Variants in POFUT1 observed in about 807,000 individuals in gnomAD.
POFUT1 encodes GDP-fucose protein O-fucosyltransferase 1.
POFUT1 carries 16 observed loss-of-function variants against 42.4 expected under a neutral mutation model. The observed-to-expected ratio is 0.38, with a 90% CI of 0.26 to 0.57. POFUT1 has a LOEUF of 0.57. POFUT1 is among the 20% of genes least tolerant of loss of function. The pLI is 0.71. For missense variants in POFUT1, 470 were observed against 504.6 expected, an observed-to-expected ratio of 0.93 and a Z score of 0.66; for synonymous variants, 206 against 205.4, an observed-to-expected ratio of 1.00 and a Z score of -0.03.
chr20:32,234,480 TG>T lies in POFUT1; in HGVS notation c.988del (p.Val330Ter). ...CTGTGCTTCTTCCTGCAGGTGAAGG[TG>T]GTGAGCCTGAAGCCTGAGGTGGCCC... ...LQQLFKGKVK[V>X]VSLKPEVAQV... is the part of the protein sequence containing the mutation. On this transcript the variant is annotated frameshift_variant, in exon 7 of 7. Transcript: ENST00000375749. LOFTEE classifies it high-confidence loss of function. 6.2e-7 allele frequency: 1 copy of T among 1,604,902 alleles called. No individual in the cohort carries two copies.
chr20:32,218,880 CTTTG>C (rs1265271772), intron 4 of POFUT1, among the ~76,000 whole-genome samples: 3 of 152,162 alleles, frequency 2.0e-5, no homozygotes, highest in Admixed American at 1.3e-4. Flanking sequence ...TGCCCCATAG[CTTTG>C]TTTGAGTTCA....
At chr20:32,221,758 G>C (rs775989960) in intron 4 of POFUT1, among the ~76,000 whole-genome samples, 5 of 151,678 alleles carry the variant, frequency 3.3e-5, no homozygotes, top group Non-Finnish European at 7.4e-5. Flanking sequence ...GGTAGCAGTA[G>C]GGGACCAAGT....
At chr20:32,208,928 G>A (rs531708313) in intron 1 of POFUT1, among the ~76,000 whole-genome samples, 1 of 152,334 alleles carries the variant, frequency 6.6e-6, no homozygotes, top group South Asian at 2.1e-4. Flanking sequence ...AAAGAGAGCA[G>A]GGTAGGGGAG....
intron 4 of POFUT1, chr20:32,216,964 AAAG>A (rs1307229188): frequency 6.2e-7 from 1 of 1,609,252 alleles, no homozygotes; most frequent in Non-Finnish European, 8.5e-7. Flanking sequence ...GATGTCATAA[AAAG>A]AACATTCTGC....
chr20:32,228,473 C>T lies in POFUT1; in HGVS notation c.735+18C>T. 1.2e-6 allele frequency: 2 copies of T among 1,607,594 alleles called. No individual in the cohort carries two copies. Among genetic ancestry groups the T allele is most frequent in the Non-Finnish European group, 1.7e-6 (2 of 1,175,412 alleles). Reference sequence around the variant, plus strand: ...CTGACTGGGTAACTTCCCCCTTCCTCTCTCACTGGCTAACTTGGATGTGTC... The same window carrying T: ...CTGACTGGGTAACTTCCCCCTTCCTTTCTCACTGGCTAACTTGGATGTGTC... On this transcript the variant is annotated intron_variant, in intron 5 of 6. Transcript: ENST00000375749.
rs746900201 is a variant in POFUT1 at position 32,230,819 on chromosome 20, A to G, written c.736A>G (p.Lys246Glu). 6 of 1,613,204 alleles carry G rather than the reference A, an allele frequency of 3.7e-6. No homozygotes were observed. The highest frequency in any genetic ancestry group is 5.1e-6 in the Non-Finnish European group (6 of 1,180,022). The change falls in exon 6 of 7, where the codon AAG (lysine) becomes GAG (glutamate). Residue 246 changes from lysine (K) to glutamate (E), a missense_variant and splice_region_variant. Physicochemically the swap from Lys to Glu is moderately conservative, Grantham distance 56. Transcript: ENST00000375749. Reference protein sequence around the residue: ...GIHLRIGSDWKNACAMLKDGT... With the variant: ...GIHLRIGSDWENACAMLKDGT... Reference sequence around the variant, plus strand: ...TAACCCTGTTCCCCGCTCTCCGTAGAAGAACGCCTGTGCCATGCTGAAGGA... The same window carrying G: ...TAACCCTGTTCCCCGCTCTCCGTAGGAGAACGCCTGTGCCATGCTGAAGGA...
chr20:32,223,062 T>TA, intron 4 of POFUT1: 1 of 985,430 alleles, frequency 1.0e-6, no homozygotes, highest in Non-Finnish European at 1.2e-6. Context: ...GTCCCACAGA[T>TA]ACATACTGGA....
In POFUT1 at chr20:32,228,365, A is replaced by G. The variant is rs758621398; in HGVS notation, c.645A>G (p.Ser215=). The change falls in exon 5 of 7, where the codon TCA becomes TCG. Residue 215 remains serine (S), a synonymous_variant. Coordinates refer to ENST00000375749, the MANE Select transcript of POFUT1 (RefSeq NM_015352.2). ...CACTACAGAAGTACATGGTATGGTCAGACGAAATGGTGAAGACGGGAGAGG... is the reference window on the plus strand; with the variant it reads ...CACTACAGAAGTACATGGTATGGTCGGACGAAATGGTGAAGACGGGAGAGG... The part of the protein sequence containing the change: ...HRPLQKYMVW[S]DEMVKTGEAQ... 6.2e-7 allele frequency: 1 copy of G among 1,614,238 alleles called. No homozygotes were observed. Among genetic ancestry groups the G allele is most frequent in the South Asian group, 1.1e-5 (1 of 91,086 alleles).
At chr20:32,217,092 G>C in intron 4 of POFUT1, 1 of 1,608,572 alleles carries the variant, frequency 6.2e-7, no homozygotes, top group Non-Finnish European at 8.5e-7. Context: ...GGTGCAGACC[G>C]AGAAATGACG....
intron 6 of POFUT1, 160 bp downstream of exon 6, chr20:32,231,221 A>C: frequency 1.4e-6 from 1 of 724,780 alleles, no homozygotes; most frequent in Non-Finnish European, 2.3e-6. Context: ...CCCAGCTCAG[A>C]GGCCTCCTCC....
At chr20:32,222,591 G>A (rs1040300169) in intron 4 of POFUT1, 10 of 985,200 alleles carry the variant, frequency 1.0e-5, no homozygotes, top group Non-Finnish European at 1.2e-5. Flanking sequence ...CCCCCACCTC[G>A]CCCGGGGTAT....
Position 32,229,812 on chromosome 20 carries a change from C to T in POFUT1, c.736-1007C>T, listed in dbSNP as rs561110941. 1.1e-4 allele frequency among the ~76,000 whole-genome samples: 12 copies of T among 108,864 alleles called. No homozygotes were observed. In the South Asian group the frequency reaches 1.3e-3, roughly 12 times the overall value. The allele number at this position is 108,864 out of a possible 152,430, so 71.4% of individuals were successfully genotyped here. A position where few individuals can be genotyped will look rare whatever the true frequency, so the allele number is the denominator to read the frequency against. On this transcript the variant is annotated intron_variant, in intron 5 of 6. Transcript: ENST00000375749. ...TTGAGACAGAGTCTCACTCCATTGC[C>T]GAGGCTGGAGTGCAGTGGCAAGCAA...
At chr20:32,210,498 G>A (rs901529322) in intron 2 of POFUT1, among the ~76,000 whole-genome samples, 1 of 152,248 alleles carries the variant, frequency 6.6e-6, no homozygotes, top group Non-Finnish European at 1.5e-5. Context: ...GGAATTCAAA[G>A]CTATCTTTGT....
intron 1 of POFUT1, among the ~76,000 whole-genome samples, chr20:32,209,338 T>G (rs1459644538): frequency 6.6e-6 from 1 of 152,244 alleles, no homozygotes; most frequent in African/African-American, 2.4e-5. Context: ...TTTTTTCATC[T>G]CTTTCTGGCA....
At chr20:32,219,852 G>A (rs1215717809) in intron 4 of POFUT1, among the ~76,000 whole-genome samples, 2 of 152,152 alleles carry the variant, frequency 1.3e-5, no homozygotes, top group Non-Finnish European at 2.9e-5. Flanking sequence ...GCTTAGCTGG[G>A]CAATTCTTTT....
intron 6 of POFUT1, chr20:32,231,394 G>A (rs943096143): frequency 2.3e-5 from 8 of 341,952 alleles, no homozygotes; most frequent in African/African-American, 4.3e-5. Flanking sequence ...CTTGAAGGCA[G>A]GGTCCAAGGC....
chr20:32,207,993 C>T lies in POFUT1; in HGVS notation c.52C>T (p.Leu18Phe), dbSNP rs2047302078. 1.3e-6 allele frequency: 2 copies of T among 1,593,966 alleles called. No individual in the cohort carries two copies. Among genetic ancestry groups the T allele is most frequent in the East Asian group, 2.3e-5 (1 of 44,230 alleles). The change falls in exon 1 of 7, where the codon CTT becomes TTT. Residue 18 changes from leucine (L) to phenylalanine (F), a missense_variant. Transcript: ENST00000375749. ...GCTGAGCGTGTCTTTCCTGCTGCTG[C>T]TTCTGCCGCTCCCGGGGATGCCTGC... ...RPLSVSFLLL[L>F]LPLPGMPAGS...
At position 32,208,031 on chromosome 20, in the gene POFUT1, C is replaced by T; in HGVS notation, c.90C>T (p.Asp30=). ...PLPGMPAGSW[D]PAGYLLYCPC... is the part of the protein sequence containing the mutation. Reference sequence around the variant, plus strand: ...CGGGGATGCCTGCGGGCTCCTGGGACCCGGCCGGTTACCTGCTCTACTGCC... The same window carrying T: ...CGGGGATGCCTGCGGGCTCCTGGGATCCGGCCGGTTACCTGCTCTACTGCC... The change falls in exon 1 of 7, where the codon GAC becomes GAT. Residue 30 remains aspartate, a synonymous_variant. Coordinates refer to ENST00000375749, the MANE Select transcript of POFUT1 (RefSeq NM_015352.2). The T allele has an allele frequency of 1.3e-6, 2 of 1,573,230 alleles. No homozygotes were observed. The highest frequency in any genetic ancestry group is 1.7e-6 in the Non-Finnish European group (2 of 1,163,460).
rs148829108 is a variant in POFUT1, at chr20:32,210,134, G to T, written c.188G>T (p.Arg63Leu). Residue 63 changes from arginine to leucine, a missense_variant, in exon 2 of 7, where the codon CGT becomes CTT. Physicochemically the swap from Arg to Leu is moderately radical, Grantham distance 102 (BLOSUM62 -2). Transcript: ENST00000375749. ...GSLAFAKLLN[R>L]TLAVPPWIEY... ...CTGGCATTTGCAAAGCTGCTAAACC[G>T]TACCTTGGCTGTCCCTCCTTGGATT... 1 of 1,613,986 alleles carries T rather than the reference G, an allele frequency of 6.2e-7. No individual in the cohort carries two copies. The highest frequency in any genetic ancestry group is 1.1e-5 in the South Asian group (1 of 91,072).
Sources: allele counts gnomAD v4.1 joint callset (sites outside exome capture counted in the v4.1 genomes callset), GRCh38; gene constraint gnomAD v4.1.1; transcripts MANE v1.5; gene names NCBI Gene and HGNC (gene_info 2026-07-23, HGNC 2026-07-21).